The following BAIAP2 variants were observed in gnomAD, a reference collection of about 807,000 sequenced individuals.
The protein encoded by BAIAP2 is BAR/IMD domain-containing adapter protein 2.
A neutral mutation model predicts 63.0 loss-of-function variants in BAIAP2; 18 were observed. That is an observed-to-expected ratio of 0.29 (90% CI 0.20 to 0.42). The LOEUF is 0.42. BAIAP2 is among the 10% of genes least tolerant of loss of function. The pLI is 1.00. For synonymous variants in BAIAP2, 386 were observed against 307.6 expected, an observed-to-expected ratio of 1.25 and a Z score of -2.67; for missense variants, 610 against 734.3, an observed-to-expected ratio of 0.83 and a Z score of 1.96.
At chr17:81,106,685 G>A (rs944929002) in intron 11 of BAIAP2, 60 bp from the exon 12 acceptor site, 2 of 1,596,716 alleles carry the variant, frequency 1.3e-6, no homozygotes, top group Non-Finnish European at 1.7e-6. Flanking sequence ...GAGCCACAGG[G>A]TTGTGGGGTG....
intron 13 of BAIAP2, chr17:81,109,206 C>G: frequency 4.3e-6 from 6 of 1,402,920 alleles, no homozygotes; most frequent in Non-Finnish European, 5.5e-6. Context: ...CCTGTGTTTA[C>G]GCGCCCCATC....
intron 1 of BAIAP2, among the ~76,000 whole-genome samples, chr17:81,043,763 C>T (rs925113898): frequency 1.3e-5 from 2 of 152,196 alleles, no homozygotes; most frequent in Admixed American, 6.5e-5. Flanking sequence ...TGTCCCCGCC[C>T]GTAAGCTGGA....
rs563496727 is a variant in BAIAP2 at position 81,098,796 on chromosome 17, G to C, written c.490-1132G>C. On this transcript the variant is annotated intron_variant, in intron 6 of 13. Coordinates refer to ENST00000428708, the MANE Select transcript of BAIAP2 (RefSeq NM_001144888.2). The stretch of plus-strand genomic sequence containing the variant: ...CATGGTCAGAGCCAGGGCCACAGAC[G>C]CAAGGGCTGCCGAGCGGCTGACCGC... Among the ~76,000 whole-genome samples, 102 of 152,358 alleles carry C rather than the reference G, an allele frequency of 6.7e-4. 1 individual carries two copies. In the South Asian group the frequency reaches 0.021, roughly 31 times the overall value.
chr17:81,081,753 C>G (rs927906784), intron 3 of BAIAP2, among the ~76,000 whole-genome samples: 1 of 152,156 alleles, frequency 6.6e-6, no homozygotes, highest in Non-Finnish European at 1.5e-5. Context: ...TGCCGCTGAT[C>G]CCCAGAGGTC....
chr17:81,061,780 C>G (rs1037548842), intron 3 of BAIAP2, among the ~76,000 whole-genome samples: 3 of 152,160 alleles, frequency 2.0e-5, no homozygotes, highest in African/African-American at 7.2e-5. Context: ...CCACTGATCT[C>G]TCTTGGTGAA....
chr17:81,065,194 A>T (rs1013441008), intron 3 of BAIAP2, among the ~76,000 whole-genome samples: 1 of 152,228 alleles, frequency 6.6e-6, no homozygotes, highest in African/African-American at 2.4e-5. Flanking sequence ...CCTGTAGGCC[A>T]GTCCTGGCAT....
At chr17:81,085,300 G>A (rs1351168546) in intron 4 of BAIAP2, 3 of 518,270 alleles carry the variant, frequency 5.8e-6, no homozygotes, top group Non-Finnish European at 1.1e-5. Flanking sequence ...TAAAGCCAGG[G>A]GTCTGACCCT....
At chr17:81,068,291 G>A (rs1432454973) in intron 3 of BAIAP2, among the ~76,000 whole-genome samples, 1 of 152,236 alleles carries the variant, frequency 6.6e-6, no homozygotes, top group Non-Finnish European at 1.5e-5. Flanking sequence ...TAATCAGTGA[G>A]CACAGATAGG....
At chr17:81,096,126 G>A (rs994042124) in intron 6 of BAIAP2, among the ~76,000 whole-genome samples, 5 of 152,244 alleles carry the variant, frequency 3.3e-5, no homozygotes, top group East Asian at 3.9e-4. Flanking sequence ...CTCTTCCCCC[G>A]AGTCCTATTC....
Position 81,046,786 on chromosome 17 carries a change from C to T in BAIAP2, c.55-6882C>T, listed in dbSNP as rs1446914436. 6.6e-6 allele frequency among the ~76,000 whole-genome samples: 1 copy of T among 152,144 alleles called. No individual in the cohort carries two copies. Among genetic ancestry groups the T allele is most frequent in the African/African-American group, 2.4e-5 (1 of 41,408 alleles). Reference sequence around the variant, plus strand: ...TCCAGGCTTGGCTCTGTCCCGTGCGCCCTTCCCTGGAGCCTGGCATCCTAG... The same window carrying T: ...TCCAGGCTTGGCTCTGTCCCGTGCGTCCTTCCCTGGAGCCTGGCATCCTAG... On this transcript the variant is annotated intron_variant, in intron 1 of 13. Transcript: ENST00000428708. The surrounding 1 kb of genome is among the most constrained non-coding windows in gnomAD (Gnocchi z 4.5).
intron 3 of BAIAP2, among the ~76,000 whole-genome samples, chr17:81,072,025 T>G (rs1338372741): frequency 1.3e-5 from 2 of 152,200 alleles, no homozygotes; most frequent in African/African-American, 4.8e-5. Context: ...CCCAGTCTCT[T>G]GGGCCATCAT....
intron 3 of BAIAP2, among the ~76,000 whole-genome samples, chr17:81,072,502 C>A (rs1277456734): frequency 6.6e-6 from 1 of 152,210 alleles, no homozygotes; most frequent in African/African-American, 2.4e-5. Flanking sequence ...GCTCCAGGCC[C>A]CACTTGGGCC....
intron 13 of BAIAP2, chr17:81,109,892 G>T: frequency 1.0e-6 from 1 of 985,212 alleles, no homozygotes; most frequent in South Asian, 4.7e-5. Context: ...CAGGGTGTGC[G>T]GGCCGGGCCC....
chr17:81,079,481 G>A (rs935805201), intron 3 of BAIAP2, among the ~76,000 whole-genome samples: 2 of 152,024 alleles, frequency 1.3e-5, no homozygotes, highest in African/African-American at 2.4e-5. Context: ...CACATCACCC[G>A]TGACACCCAT....
chr17:81,062,425 C>A (rs989950536), intron 3 of BAIAP2, among the ~76,000 whole-genome samples: 1 of 151,874 alleles, frequency 6.6e-6, no homozygotes, highest in East Asian at 1.9e-4. Context: ...AATGGTCTCG[C>A]GTCTTGGTTC....
chr17:81,062,307 ATT>A (rs34176221), intron 3 of BAIAP2, among the ~76,000 whole-genome samples: 147 of 148,124 alleles, frequency 9.9e-4, no homozygotes, highest in East Asian at 1.8e-3. Flanking sequence ...CAATGGACTG[ATT>A]TTTTTTTTTT....
intron 3 of BAIAP2, among the ~76,000 whole-genome samples, chr17:81,070,428 T>C (rs2052386785): frequency 6.6e-6 from 1 of 151,084 alleles, no homozygotes; most frequent in African/African-American, 2.4e-5. Flanking sequence ...AAAAGGGAGG[T>C]GGAAATGTGG....
At chr17:81,090,059 C>G (rs970284853) in intron 6 of BAIAP2, among the ~76,000 whole-genome samples, 1 of 152,176 alleles carries the variant, frequency 6.6e-6, no homozygotes, top group Non-Finnish European at 1.5e-5. Context: ...CTAGAACTTG[C>G]AGCTGCTCCT....
chr17:81,058,064 C>A, intron 3 of BAIAP2, 97 bp downstream of exon 3: 1 of 970,686 alleles, frequency 1.0e-6, no homozygotes, highest in Non-Finnish European at 1.5e-6. Flanking sequence ...GATTTGGGAT[C>A]AGGTTTTGCC....
Sources: gnomAD v4.1 joint callset for allele counts (sites outside exome capture counted in the v4.1 genomes callset) on GRCh38, gnomAD v4.1.1 for gene constraint, Gnocchi (gnomAD v3.1) non-coding constraint, MANE v1.5 for transcripts, NCBI Gene and HGNC (gene_info 2026-07-23, HGNC 2026-07-21) for gene names.